Variants in ABI2 observed in about 807,000 individuals in gnomAD.
ABI2 encodes abelson interactor 2.
Under a neutral mutation model 59.2 loss-of-function variants are expected in ABI2, and 25 were observed. That is an observed-to-expected ratio of 0.42 (90% CI 0.31 to 0.59). The LOEUF (loss-of-function observed/expected upper bound fraction) is 0.59, where lower values mean the gene tolerates loss of function less well. ABI2 is among the 20% of genes least tolerant of loss of function. The pLI is 0.14. For missense variants in ABI2, 545 were observed against 681.8 expected (o/e 0.80, Z 2.23); for synonymous variants, 213 against 235.5 (o/e 0.90, Z 0.87).
chr2:203,424,895 A>T (rs2098375254), intron 11 of ABI2, among the ~76,000 whole-genome samples: 1 of 152,040 alleles, frequency 6.6e-6, no homozygotes, highest in South Asian at 2.1e-4. Flanking sequence ...TTGTTTTGAG[A>T]CAGTCTCACT....
At chr2:203,367,441 G>GATTT (rs2094565202) in intron 2 of ABI2, 1 of 150,930 alleles carries the variant, frequency 6.6e-6, no homozygotes, top group Non-Finnish European at 1.5e-5. Flanking sequence ...TGTTTACTGG[G>GATTT]ATGGTACCAT....
At chr2:203,367,321 G>A (rs1036783086) in intron 2 of ABI2, 3 of 166,474 alleles carry the variant, frequency 1.8e-5, no homozygotes, top group Admixed American at 1.1e-4. Flanking sequence ...CCATTCCCCC[G>A]CCTTTTTTTT....
intron 1 of ABI2, among the ~76,000 whole-genome samples, chr2:203,338,951 TA>T (rs2077982926): frequency 9.5e-5 from 1 of 10,500 alleles, no homozygotes; most frequent in African/African-American, 3.1e-4. Flanking sequence ...TATATATATA[TA>T]TATATATATA....
intron 5 of ABI2, among the ~76,000 whole-genome samples, chr2:203,391,675 G>A (rs979899565): frequency 1.3e-5 from 2 of 151,964 alleles, no homozygotes; most frequent in African/African-American, 4.8e-5. Flanking sequence ...ACAAAAATAA[G>A]CTGGGTGTGG....
chr2:203,369,679 A>G (rs1404695800), intron 2 of ABI2, among the ~76,000 whole-genome samples: 1 of 152,180 alleles, frequency 6.6e-6, no homozygotes, highest in African/African-American at 2.4e-5. Context: ...GCCTCAGTCA[A>G]AGCTGTCAGG....
At chr2:203,353,683 A>C (rs1171732218) in intron 1 of ABI2, among the ~76,000 whole-genome samples, 1 of 152,062 alleles carries the variant, frequency 6.6e-6, no homozygotes, top group Non-Finnish European at 1.5e-5. Flanking sequence ...TTTTTAGTAG[A>C]GATGGGGTTT....
rs976831311 is a variant in ABI2, at chr2:203,428,247, G to A, written c.*895G>A. On this transcript the variant is annotated 3_prime_UTR_variant, in exon 12 of 12. Transcript: ENST00000261018. ...ACCCCTGCTTCGGTGCTGTTTTGAGGAGTAGGATCTTGGAGTTCAGACCAA... is the reference window on the plus strand; with the variant it reads ...ACCCCTGCTTCGGTGCTGTTTTGAGAAGTAGGATCTTGGAGTTCAGACCAA... The A allele has an allele frequency of 6.6e-6, 1 of 152,562 alleles. No individual in the cohort carries two copies. Among genetic ancestry groups the A allele is most frequent in the African/African-American group, 2.4e-5 (1 of 41,410 alleles). The allele number at this position is 152,562 out of a possible 1,614,324, so 9.5% of individuals were successfully genotyped here. A position where few individuals can be genotyped will look rare whatever the true frequency, so the allele number is the denominator to read the frequency against.
At chr2:203,383,087 G>T (rs1192052602) in intron 4 of ABI2, among the ~76,000 whole-genome samples, 1 of 151,892 alleles carries the variant, frequency 6.6e-6, no homozygotes, top group East Asian at 1.9e-4. Context: ...TTTTTTGTAG[G>T]TGAGTTTTAT....
chr2:203,404,283 C>A (rs1377970539), intron 9 of ABI2, among the ~76,000 whole-genome samples: 1 of 152,172 alleles, frequency 6.6e-6, no homozygotes, highest in Non-Finnish European at 1.5e-5. Context: ...AATCCCTTCA[C>A]TGTTCTGGGT....
chr2:203,397,005 C>T (rs1199683677), intron 8 of ABI2, 38 bp downstream of exon 8: 7 of 1,351,390 alleles, frequency 5.2e-6, no homozygotes, highest in South Asian at 1.9e-5. Context: ...CAGATGCAGT[C>T]ATCTGGCTAT....
chr2:203,430,943 T>C lies in ABI2; in HGVS notation c.*3591T>C, dbSNP rs543024903. On this transcript the variant is annotated 3_prime_UTR_variant, in exon 12 of 12. Transcript: ENST00000261018. ...ATTTTCTTTTAGTAGGTGACCTTTC[T>C]GCATTAAGAACTGTTTTTATCTTTT... 6.6e-6 allele frequency: 1 copy of C among 152,360 alleles called. No individual in the cohort carries two copies. The highest frequency in any genetic ancestry group is 2.4e-5 in the African/African-American group (1 of 41,576). The allele number at this position is 152,360 out of a possible 1,614,324, so 9.4% of individuals were successfully genotyped here. A position where few individuals can be genotyped will look rare whatever the true frequency, so the allele number is the denominator to read the frequency against.
At chr2:203,426,256 G>A (rs1479408926) in intron 11 of ABI2, among the ~76,000 whole-genome samples, 1 of 152,176 alleles carries the variant, frequency 6.6e-6, no homozygotes, top group Non-Finnish European at 1.5e-5. Context: ...GATAGGTGGA[G>A]ATTTCATTGA....
At chr2:203,404,502 C>T (rs748093264) in intron 9 of ABI2, among the ~76,000 whole-genome samples, 2 of 152,190 alleles carry the variant, frequency 1.3e-5, no homozygotes, top group Non-Finnish European at 2.9e-5. Flanking sequence ...TGTTTTCAAA[C>T]TCACATTTGT....
At chr2:203,352,656 GT>G (rs1190682036) in intron 1 of ABI2, among the ~76,000 whole-genome samples, 1 of 152,140 alleles carries the variant, frequency 6.6e-6, no homozygotes, top group Non-Finnish European at 1.5e-5. Flanking sequence ...ACAGTCAAAA[GT>G]TTATGAGGTA....
chr2:203,422,255 C>T (rs1216546289), intron 11 of ABI2, among the ~76,000 whole-genome samples: 2 of 66,224 alleles, frequency 3.0e-5, no homozygotes, highest in Non-Finnish European at 6.6e-5. Context: ...GCTGCGATTG[C>T]ACCACTGCCT....
chr2:203,425,896 C>T (rs2098413608), intron 11 of ABI2, among the ~76,000 whole-genome samples: 1 of 152,048 alleles, frequency 6.6e-6, no homozygotes, highest in Non-Finnish European at 1.5e-5. Flanking sequence ...GTGGTGGGCG[C>T]CTGTAATCCC....
chr2:203,355,844 A>C (rs961654188), intron 1 of ABI2, among the ~76,000 whole-genome samples: 26 of 151,356 alleles, frequency 1.7e-4, no homozygotes, highest in South Asian at 1.3e-3. Context: ...AAAAAAAAAA[A>C]AAAAAAACAC....
intron 2 of ABI2, chr2:203,374,948 C>T: frequency 2.4e-6 from 1 of 409,334 alleles, no homozygotes; most frequent in Non-Finnish European, 5.2e-6. Context: ...TATACAGTAC[C>T]TTCCTGTCAT....
At chr2:203,353,296 A>C (rs770427818) in intron 1 of ABI2, among the ~76,000 whole-genome samples, 8 of 152,332 alleles carry the variant, frequency 5.3e-5, no homozygotes, top group East Asian at 1.9e-4. Flanking sequence ...TTAAAATTAC[A>C]TTTTGCATTT....
Sources: gnomAD v4.1 joint callset for allele counts (sites outside exome capture counted in the v4.1 genomes callset) on GRCh38, gnomAD v4.1.1 for gene constraint, MANE v1.5 for transcripts, NCBI Gene and HGNC (gene_info 2026-07-23, HGNC 2026-07-21) for gene names.